LPP: variants seen among roughly 807,000 people sequenced by gnomAD.
LPP encodes the protein lipoma-preferred partner.
A neutral mutation model predicts 60.4 loss-of-function variants in LPP; 38 were observed. That is an observed-to-expected ratio of 0.63 (90% CI 0.49 to 0.83). The LOEUF (loss-of-function observed/expected upper bound fraction) is 0.83. Among genes scored for constraint, LPP ranks in the 40% least tolerant of loss-of-function variants. The probability of loss-of-function intolerance (pLI) is 0.00; values close to 1 mark genes in which losing one functional copy is unlikely to be tolerated. For synonymous variants in LPP, 328 were observed against 290.8 expected (o/e 1.13, Z -1.30); for missense variants, 902 against 783.6 (o/e 1.15, Z -1.80).
chr3:188,830,183 CA>C (rs1471379087), intron 9 of LPP, among the ~76,000 whole-genome samples: 1 of 150,198 alleles, frequency 6.7e-6, no homozygotes, highest in Non-Finnish European at 1.5e-5. Flanking sequence ...CCAAACAAAA[CA>C]AAAGATCTTT....
At chr3:188,753,993 A>G (rs183352404) in intron 8 of LPP, among the ~76,000 whole-genome samples, 4 of 152,348 alleles carry the variant, frequency 2.6e-5, no homozygotes, top group South Asian at 4.1e-4. Context: ...CTAAATGGCA[A>G]TAACCATAGG....
intron 2 of LPP, among the ~76,000 whole-genome samples, chr3:188,244,334 A>G (rs929692647): frequency 2.0e-5 from 3 of 152,208 alleles, no homozygotes; most frequent in Non-Finnish European, 2.9e-5. Context: ...GCAGTTTTGC[A>G]TAGCTAGGAG....
chr3:188,250,684 GCTCT>G (rs988196656), intron 2 of LPP, among the ~76,000 whole-genome samples: 25 of 147,472 alleles, frequency 1.7e-4, no homozygotes, highest in Middle Eastern at 3.7e-3. Flanking sequence ...CCTCCCTCCC[GCTCT>G]CTCTCTCTCT....
chr3:188,730,672 T>C (rs1720128368), intron 8 of LPP, among the ~76,000 whole-genome samples: 1 of 152,252 alleles, frequency 6.6e-6, no homozygotes, highest in African/African-American at 2.4e-5. Flanking sequence ...GTGTTTATGA[T>C]ACCTCTAAAC....
intron 3 of LPP, among the ~76,000 whole-genome samples, chr3:188,392,842 C>T (rs144380073): frequency 7.2e-5 from 11 of 152,164 alleles, no homozygotes; most frequent in Admixed American, 3.3e-4. Context: ...GGCAACTGCA[C>T]GTGGAATTAA....
At chr3:188,222,604 G>A (rs745457225) in intron 1 of LPP, among the ~76,000 whole-genome samples, 2 of 151,966 alleles carry the variant, frequency 1.3e-5, no homozygotes, top group Non-Finnish European at 2.9e-5. Flanking sequence ...TTACAGATAT[G>A]ACAAGACTTG....
At chr3:188,847,488 A>ATT (rs1432801412) in intron 9 of LPP, among the ~76,000 whole-genome samples, 6 of 152,234 alleles carry the variant, frequency 3.9e-5, no homozygotes, top group African/African-American at 1.4e-4. Context: ...TGGGAAGATG[A>ATT]CAGTGTATTC....
At chr3:188,527,117 C>T (rs1315835326) in intron 6 of LPP, among the ~76,000 whole-genome samples, 1 of 152,052 alleles carries the variant, frequency 6.6e-6, no homozygotes, top group Non-Finnish European at 1.5e-5. Context: ...GCAGATGAAG[C>T]CTTTGAAGGC....
intron 9 of LPP, among the ~76,000 whole-genome samples, chr3:188,791,587 C>G (rs1577578580): frequency 6.6e-6 from 1 of 151,632 alleles, no homozygotes; most frequent in African/African-American, 2.4e-5. Flanking sequence ...GTGATGCAAA[C>G]ACATGGAACT....
intron 9 of LPP, among the ~76,000 whole-genome samples, chr3:188,777,141 A>C (rs1279040148): frequency 6.7e-6 from 1 of 150,202 alleles, no homozygotes; most frequent in Admixed American, 6.6e-5. Flanking sequence ...ATACTTTTAT[A>C]GTTGTTTTCA....
In LPP at chr3:188,602,177, T is replaced by TATATATATATATATATATA. The variant is rs1560620601; in HGVS notation, c.430-6972_430-6971insATATATAATATATATATAT. ...TAATATATATATAATATATATATATTATATATATATATGACATTCTTAATC... is the reference window on the plus strand; with the variant it reads ...TAATATATATATAATATATATATATTATATATATATATATATATAATATATATATATGACATTCTTAATC... On this transcript the variant is annotated intron_variant, in intron 6 of 11. Transcript: ENST00000617246. Among the ~76,000 whole-genome samples the TATATATATATATATATATA allele has an allele frequency of 1.2e-4, 14 of 115,248 alleles. 1 individual carries two copies. The highest frequency in any genetic ancestry group is 2.3e-4 in the Non-Finnish European group (12 of 52,256). 75.6% of individuals were successfully genotyped at this position (115,248 alleles called of 152,430 possible). A position where few individuals can be genotyped will look rare whatever the true frequency, so the allele number is the denominator to read the frequency against.
chr3:188,318,991 C>T lies in LPP; in HGVS notation c.-66-22672C>T, dbSNP rs927856659. Among the ~76,000 whole-genome samples the T allele has an allele frequency of 2.3e-4, 35 of 151,992 alleles. No homozygotes were observed. In the East Asian group the frequency reaches 6.6e-3, roughly 29 times the overall value. Reference sequence around the variant, plus strand: ...GCCGGGATGGTCTCGATCTCCTGACCTCGTGATCCGCCCGCCTCGGCCTCC... The same window carrying T: ...GCCGGGATGGTCTCGATCTCCTGACTTCGTGATCCGCCCGCCTCGGCCTCC... On this transcript the variant is annotated intron_variant, in intron 2 of 11. Transcript: ENST00000617246.
intron 9 of LPP, among the ~76,000 whole-genome samples, chr3:188,784,068 C>A (rs376644615): frequency 6.6e-6 from 1 of 151,948 alleles, no homozygotes; most frequent in Non-Finnish European, 1.5e-5. Flanking sequence ...TTTTATCCCT[C>A]GTCCCCCTTC....
chr3:188,597,757 G>A (rs998860573), intron 6 of LPP, among the ~76,000 whole-genome samples: 42 of 151,972 alleles, frequency 2.8e-4, no homozygotes, highest in African/African-American at 9.7e-4. Context: ...CTTCTCTCTT[G>A]TATGGAATTT....
chr3:188,538,708 CCACA>C (rs1353629298), intron 6 of LPP, among the ~76,000 whole-genome samples: 1 of 152,114 alleles, frequency 6.6e-6, no homozygotes, highest in African/African-American at 2.4e-5. Context: ...AAATATATGA[CCACA>C]CAAAGACCTG....
At chr3:188,275,993 G>A (rs977254106) in intron 2 of LPP, among the ~76,000 whole-genome samples, 1 of 152,192 alleles carries the variant, frequency 6.6e-6, no homozygotes, top group Non-Finnish European at 1.5e-5. Flanking sequence ...TTTTCTAGGT[G>A]CTGCTGGTCA....
intron 9 of LPP, among the ~76,000 whole-genome samples, chr3:188,846,848 A>G (rs1761567557): frequency 6.6e-6 from 1 of 152,174 alleles, no homozygotes; most frequent in South Asian, 2.1e-4. Context: ...TCCAGAAGGC[A>G]TAGAGAGATC....
At chr3:188,283,930 T>C (rs989060959) in intron 2 of LPP, among the ~76,000 whole-genome samples, 88 of 151,938 alleles carry the variant, frequency 5.8e-4, no homozygotes, top group African/African-American at 2.0e-3. Flanking sequence ...TGAGCCGAGA[T>C]TGCGCCACGG....
At chr3:188,507,669 G>A (rs947347477) in intron 5 of LPP, among the ~76,000 whole-genome samples, 3 of 152,094 alleles carry the variant, frequency 2.0e-5, no homozygotes, top group Admixed American at 6.5e-5. Flanking sequence ...AGAGAAGCGC[G>A]GATGGGTGGC....
Sources: allele counts gnomAD v4.1 joint callset (sites outside exome capture counted in the v4.1 genomes callset), GRCh38; gene constraint gnomAD v4.1.1; transcripts MANE v1.5; gene names NCBI Gene and HGNC (gene_info 2026-07-23, HGNC 2026-07-21).